Variants in ZNF804A observed in about 807,000 individuals in gnomAD.
ZNF804A encodes zinc finger protein 804A.
In ZNF804A, 2 loss-of-function variants were observed where a neutral mutation model predicts 16.5. The ratio of observed to expected loss-of-function variants is 0.12; its 90% CI spans 0.05 to 0.38. The LOEUF is 0.38. ZNF804A is among the 10% of genes least tolerant of loss of function. ZNF804A has a pLI of 0.99. For synonymous variants in ZNF804A, 534 were observed against 489.6 expected, an observed-to-expected ratio of 1.09 and a Z score of -1.20; for missense variants, 1,473 against 1,390.7, an observed-to-expected ratio of 1.06 and a Z score of -0.94.
chr2:184,795,135 A>T (rs1187949426), intron 1 of ZNF804A, among the ~76,000 whole-genome samples: 1 of 152,166 alleles, frequency 6.6e-6, no homozygotes, highest in Non-Finnish European at 1.5e-5. Flanking sequence ...TCAACAGTGC[A>T]TGGAAGTTTC....
intron 1 of ZNF804A, among the ~76,000 whole-genome samples, chr2:184,826,016 C>G (rs1695161765): frequency 6.7e-6 from 1 of 150,192 alleles, no homozygotes; most frequent in Non-Finnish European, 1.5e-5. Context: ...AGATTATAGG[C>G]ACATGCCACC....
In ZNF804A at chr2:184,601,476, G is replaced by A. The variant is rs374083247; in HGVS notation, c.111+2406G>A. The stretch of plus-strand genomic sequence containing the variant: ...AAGAAATACAAACATCATCTTAGAA[G>A]GTATATATGCCACATTCTATAAATT... On this transcript the variant is annotated intron_variant, in intron 1 of 3. Coordinates refer to ENST00000302277, the MANE Select transcript of ZNF804A (RefSeq NM_194250.2). Among the ~76,000 whole-genome samples the A allele has an allele frequency of 1.0e-3, 157 of 151,876 alleles. 5 individuals carry two copies. In the South Asian group the frequency reaches 0.03, roughly 29 times the overall value.
At chr2:184,814,023 G>GTTTTTTTTTTTTTTTTTT (rs1231774388) in intron 1 of ZNF804A, among the ~76,000 whole-genome samples, 1 of 109,280 alleles carries the variant, frequency 9.2e-6, no homozygotes, top group Admixed American at 1.1e-4. Flanking sequence ...TTTTTTTTTG[G>GTTTTTTTTTTTTTTTTTT]CTTGTCTACT....
chr2:184,835,591 C>T (rs1190616439), intron 1 of ZNF804A, among the ~76,000 whole-genome samples: 1 of 151,776 alleles, frequency 6.6e-6, no homozygotes, highest in East Asian at 1.9e-4. Context: ...CCACCTCCTA[C>T]CTCAGTACTG....
At chr2:184,610,610 C>T (rs562176430) in intron 1 of ZNF804A, among the ~76,000 whole-genome samples, 7 of 151,934 alleles carry the variant, frequency 4.6e-5, no homozygotes, top group Admixed American at 3.3e-4. Context: ...TAGTGACCCC[C>T]AAGAAAGTAT....
At chr2:184,828,478 CTTTG>C (rs1695207621) in intron 1 of ZNF804A, among the ~76,000 whole-genome samples, 4 of 151,408 alleles carry the variant, frequency 2.6e-5, no homozygotes, top group South Asian at 4.2e-4. Flanking sequence ...ACAAAGAGCT[CTTTG>C]TTTATTTTCC....
At chr2:184,606,693 T>C (rs2105668452) in intron 1 of ZNF804A, among the ~76,000 whole-genome samples, 1 of 152,310 alleles carries the variant, frequency 6.6e-6, no homozygotes, top group East Asian at 1.9e-4. Flanking sequence ...TGAGCCTTTC[T>C]GGAGAAAAAA....
chr2:184,691,385 C>T (rs1692721916), intron 1 of ZNF804A, among the ~76,000 whole-genome samples: 1 of 151,542 alleles, frequency 6.6e-6, no homozygotes, highest in Non-Finnish European at 1.5e-5. Flanking sequence ...TGTTCCAAGT[C>T]AATTGGTATG....
At chr2:184,798,006 ATGTGTGTGTGTGTGTGTG>A (rs58199746) in intron 1 of ZNF804A, among the ~76,000 whole-genome samples, 34 of 133,336 alleles carry the variant, frequency 2.5e-4, no homozygotes, top group African/African-American at 8.2e-4. Flanking sequence ...TGGCTGATAT[ATGTGTGTGTGTGTGTGTG>A]TGTGTGTGTG....
intron 2 of ZNF804A, among the ~76,000 whole-genome samples, chr2:184,913,747 T>C (rs1685403357): frequency 6.6e-6 from 1 of 152,176 alleles, no homozygotes; most frequent in Admixed American, 6.6e-5. Flanking sequence ...GATAAGGCTT[T>C]GAAATTTCCT....
At position 184,935,747 on chromosome 2, in the gene ZNF804A, G is replaced by A. The variant is rs961509396; in HGVS notation, c.387-36G>A. 3.3e-6 allele frequency: 5 copies of A among 1,505,844 alleles called. No homozygotes were observed. In the African/African-American group the frequency reaches 7.0e-5, roughly 21 times the overall value. The allele number at this position is 1,505,844 out of a possible 1,614,324, so 93.3% of individuals were successfully genotyped here. ...TTGACTATTTTTTTTTCTCAAAAGTGTGCTATTTAACACATGCTTCTGTTT... is the reference window on the plus strand; with the variant it reads ...TTGACTATTTTTTTTTCTCAAAAGTATGCTATTTAACACATGCTTCTGTTT... On this transcript the variant is annotated intron_variant, in intron 3 of 3. Coordinates refer to ENST00000302277, the MANE Select transcript of ZNF804A (RefSeq NM_194250.2).
At chr2:184,910,039 G>C (rs932699637) in intron 2 of ZNF804A, among the ~76,000 whole-genome samples, 6 of 151,852 alleles carry the variant, frequency 4.0e-5, no homozygotes, top group Non-Finnish European at 8.8e-5. Context: ...GATGTATTTA[G>C]ATTTGTTACA....
At chr2:184,721,068 A>C in intron 1 of ZNF804A, among the ~76,000 whole-genome samples, 1 of 152,162 alleles carries the variant, frequency 6.6e-6, no homozygotes, top group Admixed American at 6.6e-5. Flanking sequence ...CTGGACTCCT[A>C]TTTCTGATCA....
intron 1 of ZNF804A, among the ~76,000 whole-genome samples, chr2:184,623,352 A>G (rs1168495555): frequency 6.6e-6 from 1 of 152,144 alleles, no homozygotes; most frequent in Non-Finnish European, 1.5e-5. Flanking sequence ...TCTCAAATAT[A>G]AAATAAGCAC....
chr2:184,677,063 A>C (rs1254141909), intron 1 of ZNF804A, among the ~76,000 whole-genome samples: 3 of 151,786 alleles, frequency 2.0e-5, no homozygotes, highest in Non-Finnish European at 4.4e-5. Context: ...AGAACAAAAA[A>C]GAAAAAAAAC....
At chr2:184,746,070 A>T (rs774064041) in intron 1 of ZNF804A, among the ~76,000 whole-genome samples, 1 of 151,500 alleles carries the variant, frequency 6.6e-6, no homozygotes, top group Admixed American at 6.6e-5. Context: ...ACATTTTTCC[A>T]ATCTTTAATG....
At chr2:184,733,239 G>T (rs1293361493) in intron 1 of ZNF804A, among the ~76,000 whole-genome samples, 2 of 151,826 alleles carry the variant, frequency 1.3e-5, no homozygotes, top group East Asian at 3.9e-4. Flanking sequence ...GTTATTTATG[G>T]GTGTTGAATT....
chr2:184,832,691 C>T (rs767124690), intron 1 of ZNF804A, among the ~76,000 whole-genome samples: 3 of 151,914 alleles, frequency 2.0e-5, no homozygotes, highest in Admixed American at 6.6e-5. Flanking sequence ...CCCAAATAGA[C>T]ATCTATTGTA....
intron 1 of ZNF804A, among the ~76,000 whole-genome samples, chr2:184,750,023 T>C (rs1693855226): frequency 6.6e-6 from 1 of 151,424 alleles, no homozygotes; most frequent in South Asian, 2.1e-4. Context: ...TAATACAAGA[T>C]GGTCTCTCAG....
Sources: allele counts gnomAD v4.1 joint callset (sites outside exome capture counted in the v4.1 genomes callset), GRCh38; gene constraint gnomAD v4.1.1; transcripts MANE v1.5; gene names NCBI Gene and HGNC (gene_info 2026-07-23, HGNC 2026-07-21).